The following ZFYVE26 variants were observed in gnomAD, a reference collection of about 807,000 sequenced individuals.
ZFYVE26 encodes the protein zinc finger FYVE-type containing 26.
In ZFYVE26, 181 loss-of-function variants were observed where a neutral mutation model predicts 276.5. The ratio of observed to expected loss-of-function variants is 0.65; its 90% CI spans 0.58 to 0.74. ZFYVE26 has a LOEUF of 0.74. ZFYVE26 is among the 30% of genes least tolerant of loss of function. The pLI, the probability that ZFYVE26 is intolerant of heterozygous loss-of-function variation, is 0.00. For synonymous variants in ZFYVE26, 1,129 were observed against 1,203.1 expected (o/e 0.94, Z 1.27); for missense variants, 2,821 against 3,097.9 (o/e 0.91, Z 2.12).
rs76763723 is a variant in ZFYVE26 at position 67,755,858 on chromosome 14, T to C, written c.6786+90A>G. On this transcript the variant is annotated intron_variant, in intron 36 of 41. Coordinates refer to ENST00000347230, the MANE Select transcript of ZFYVE26 (RefSeq NM_015346.4). The stretch of plus-strand genomic sequence containing the variant: ...GCCAAACAGCAAGGCCAGGGACCAA[T>C]GACAGTCTCATTCCCTCATCGTGCA... 5.9e-3 allele frequency: 8,874 copies of C among 1,497,086 alleles called. 88 individuals are homozygous for C. Among genetic ancestry groups the C allele is most frequent in the African/African-American group, 0.043 (3,125 of 72,470 alleles). 92.7% of individuals were successfully genotyped at this position (1,497,086 alleles called of 1,614,324 possible).
chr14:67,730,019 ATAGTCT>A (rs1298786879), intron 13 of ZFYVE26, among the ~76,000 whole-genome samples: 1 of 152,222 alleles, frequency 6.6e-6, no homozygotes, highest in Non-Finnish European at 1.5e-5. Context: ...AGCACTGGAA[ATAGTCT>A]TAGTGTCTGA....
intron 39 of ZFYVE26, among the ~76,000 whole-genome samples, chr14:67,753,473 G>C (rs1429327657): frequency 6.6e-6 from 1 of 152,176 alleles, no homozygotes; most frequent in Non-Finnish European, 1.5e-5. Flanking sequence ...CCTGGCTCCT[G>C]GTATTTATTT....
At chr14:67,809,784 T>C (rs74595879) in intron 3 of ZFYVE26, among the ~76,000 whole-genome samples, 4 of 16,092 alleles carry the variant, frequency 2.5e-4, no homozygotes, top group African/African-American at 7.1e-4. Context: ...TCTTTTCTCT[T>C]TTTTTTTTTT....
chr14:67,798,861 CA>C, intron 10 of ZFYVE26: 1 of 864,770 alleles, frequency 1.2e-6, no homozygotes, highest in Non-Finnish European at 1.8e-6. Context: ...GCCCCGAGGC[CA>C]ACCGGGCCTC....
intron 35 of ZFYVE26, among the ~76,000 whole-genome samples, chr14:67,757,500 C>T (rs2038808742): frequency 6.6e-6 from 1 of 152,182 alleles, no homozygotes; most frequent in Non-Finnish European, 1.5e-5. Flanking sequence ...GTCACCTTCC[C>T]TGGGCACCCA....
rs886050645 is a variant in ZFYVE26, at chr14:67,734,282, A to T, written n.2680-4463T>A. 1.3e-4 allele frequency: 26 copies of T among 195,900 alleles called. No homozygotes were observed. The highest frequency in any genetic ancestry group is 5.5e-4 in the African/African-American group (24 of 43,292). 12.1% of individuals were successfully genotyped at this position (195,900 alleles called of 1,614,324 possible). A position where few individuals can be genotyped will look rare whatever the true frequency, so the allele number is the denominator to read the frequency against. ...CTCTTTCTTTTTAAAAATATTTGCCACCACCCTGGAGTCTAGACCAACACA... is the reference window on the plus strand; with the variant it reads ...CTCTTTCTTTTTAAAAATATTTGCCTCCACCCTGGAGTCTAGACCAACACA... On this transcript the variant is annotated intron_variant and non_coding_transcript_variant, in intron 13 of 14. Coordinates refer to the ZFYVE26 transcript ENST00000394455.
In ZFYVE26 at chr14:67,782,954, C is replaced by A. The variant is rs187616174; in HGVS notation, c.4198G>T (p.Val1400Phe). ...ATGGGAGAATGTAGGCCCAGGAGAA[C>A]GGTAGAAAGACTGGCCCAACCACAG... is the stretch of plus-strand genomic sequence containing the variant. ...NLCGWASLST[V>F]LLGLHSPIAL... Residue 1400 changes from valine to phenylalanine, a missense_variant, in exon 21 of 42, where the codon GTT becomes TTT. Physicochemically the swap from Val to Phe is conservative, Grantham distance 50 (BLOSUM62 -1). Coordinates refer to ENST00000347230, the MANE Select transcript of ZFYVE26 (RefSeq NM_015346.4). 6.2e-7 allele frequency: 1 copy of A among 1,614,192 alleles called. No homozygotes were observed. The highest frequency in any genetic ancestry group is 2.2e-5 in the East Asian group (1 of 44,872).
intron 13 of ZFYVE26, among the ~76,000 whole-genome samples, chr14:67,741,026 C>A (rs1426202857): frequency 6.6e-6 from 1 of 152,186 alleles, no homozygotes; most frequent in Non-Finnish European, 1.5e-5. Context: ...CCCTCGACTA[C>A]TGAAAATGAT....
At position 67,815,837 on chromosome 14, in the gene ZFYVE26, G is replaced by C; in HGVS notation, c.127C>G (p.Gln43Glu). ...TCTACCCTCTTTGGGATATCCCCTT[G>C]TCCCTCCTGTAGCTGAGGTACACAT... ...QACVPQLQEGQGDIPKRVEDI... is the reference protein window; with the variant it reads ...QACVPQLQEGEGDIPKRVEDI... Residue 43 changes from glutamine to glutamate, a missense_variant, in exon 2 of 42, where the codon CAA (glutamine) becomes GAA (glutamate). Transcript: ENST00000347230. The C allele has an allele frequency of 6.2e-7, 1 of 1,614,082 alleles. No homozygotes were observed. Among genetic ancestry groups the C allele is most frequent in the South Asian group, 1.1e-5 (1 of 91,078 alleles).
chr14:67,729,220 C>A lies in ZFYVE26; in HGVS notation n.3279G>T. Reference sequence around the variant, plus strand: ...CGGGGTCACCACCTACGCAGTGCACCCAGGCGTCGTCCGCTCTGAGCTGGT... The same window carrying A: ...CGGGGTCACCACCTACGCAGTGCACACAGGCGTCGTCCGCTCTGAGCTGGT... On this transcript the variant is annotated non_coding_transcript_exon_variant, in exon 14 of 15. Coordinates refer to the ZFYVE26 transcript ENST00000394455. 1 of 1,612,148 alleles carries A rather than the reference C, an allele frequency of 6.2e-7. No individual in the cohort carries two copies.
At chr14:67,739,884 A>G (rs1295822002) in intron 13 of ZFYVE26, among the ~76,000 whole-genome samples, 1 of 152,224 alleles carries the variant, frequency 6.6e-6, no homozygotes. Flanking sequence ...TTGCTCTGAT[A>G]GGAGGAGATT....
intron 30 of ZFYVE26, 70 bp downstream of exon 30, chr14:67,768,447 T>G: frequency 1.3e-6 from 2 of 1,532,386 alleles, no homozygotes; most frequent in Non-Finnish European, 1.8e-6. Flanking sequence ...CAGTCACAGC[T>G]GATATGCTGA....
At chr14:67,805,158 C>T (rs1033285012) in intron 8 of ZFYVE26, 59 bp downstream of exon 8, 7 of 1,541,474 alleles carry the variant, frequency 4.5e-6, no homozygotes, top group East Asian at 2.3e-5. Flanking sequence ...GCCACACATG[C>T]GGAGCACAGG....
chr14:67,780,961 CT>C (rs1220699388), intron 22 of ZFYVE26, among the ~76,000 whole-genome samples: 1 of 152,166 alleles, frequency 6.6e-6, no homozygotes, highest in Admixed American at 6.5e-5. Context: ...CTTCATATAT[CT>C]TTTCAAAATA....
chr14:67,807,304 T>C (rs905844623), intron 5 of ZFYVE26, 94 bp downstream of exon 5: 8 of 1,562,762 alleles, frequency 5.1e-6, no homozygotes, highest in South Asian at 1.1e-5. Context: ...TTAGATGTCC[T>C]GAGCCACACG....
rs1390866091 is a variant in ZFYVE26 at position 67,786,219 on chromosome 14, G to T, written c.3034C>A (p.His1012Asn). The T allele has an allele frequency of 1.3e-6, 2 of 1,575,890 alleles. No homozygotes were observed. The highest frequency in any genetic ancestry group is 1.7e-6 in the Non-Finnish European group (2 of 1,158,048). The change falls in exon 17 of 42, where the codon CAC (histidine) becomes AAC (asparagine). Residue 1012 changes from histidine (H) to asparagine (N), a missense_variant. His to Asn is a moderately conservative substitution (Grantham distance 68). Coordinates refer to ENST00000347230, the MANE Select transcript of ZFYVE26 (RefSeq NM_015346.4). ...ATGCCATCAGCATTTAGGAGTACGT[G>T]GTCTATCCGTCGACCTGGAAATAGA... Reference protein sequence around the residue: ...SLERRGRRIDHVLLNADGIRG... With the variant: ...SLERRGRRIDNVLLNADGIRG...
chr14:67,782,950 A>C lies in ZFYVE26; in HGVS notation c.4202T>G (p.Leu1401Arg). Residue 1401 changes from leucine (L) to arginine (R), a missense_variant, in exon 21 of 42, where the codon CTC becomes CGC. By Grantham distance (102) the Leu-to-Arg change is moderately radical (BLOSUM62 -2). Coordinates refer to ENST00000347230, the MANE Select transcript of ZFYVE26 (RefSeq NM_015346.4). ...GGCAATGGGAGAATGTAGGCCCAGGAGAACGGTAGAAAGACTGGCCCAACC... is the reference window on the plus strand; with the variant it reads ...GGCAATGGGAGAATGTAGGCCCAGGCGAACGGTAGAAAGACTGGCCCAACC... ...LCGWASLSTV[L>R]LGLHSPIALD... 6.2e-7 allele frequency: 1 copy of C among 1,614,230 alleles called. No individual in the cohort carries two copies. Among genetic ancestry groups the C allele is most frequent in the Non-Finnish European group, 8.5e-7 (1 of 1,180,032 alleles).
rs949498548 is a variant in ZFYVE26, at chr14:67,769,761, A to C, written c.5485-31T>G. ...GAATGCCATCAGGAGGAGAAGAAAG[A>C]GGGAGGAGAGAAGGGGAGATTGCCA... is the stretch of plus-strand genomic sequence containing the variant. On this transcript the variant is annotated intron_variant, in intron 28 of 41. Coordinates refer to ENST00000347230, the MANE Select transcript of ZFYVE26 (RefSeq NM_015346.4). 6.2e-6 allele frequency: 10 copies of C among 1,613,626 alleles called. No individual in the cohort carries two copies. The African/African-American group carries it at 8.0e-5, about 13-fold the overall frequency.
intron 35 of ZFYVE26, among the ~76,000 whole-genome samples, chr14:67,760,204 T>C (rs953184550): frequency 1.8e-4 from 28 of 152,172 alleles, no homozygotes; most frequent in Non-Finnish European, 4.4e-5. Flanking sequence ...GGGAAAAGCA[T>C]CTTTACTGCT....
Sources: allele counts gnomAD v4.1 joint callset (sites outside exome capture counted in the v4.1 genomes callset), GRCh38; gene constraint gnomAD v4.1.1; transcripts MANE v1.5; gene names NCBI Gene and HGNC (gene_info 2026-07-23, HGNC 2026-07-21).